ARID5B: variants seen among roughly 807,000 people sequenced by gnomAD.
The protein encoded by ARID5B is AT-rich interaction domain 5B, also known as AT-rich interactive domain-containing protein 5B.
Under a neutral mutation model 97.2 loss-of-function variants are expected in ARID5B, and 13 were observed. That is an observed-to-expected ratio of 0.13 (90% CI 0.09 to 0.21). The LOEUF (loss-of-function observed/expected upper bound fraction) is 0.21. Among genes scored for constraint, ARID5B ranks in the 10% least tolerant of loss-of-function variants. The probability of loss-of-function intolerance (pLI) is 1.00; values close to 1 mark genes in which losing one functional copy is unlikely to be tolerated. For missense variants in ARID5B, 1,210 were observed against 1,465.3 expected (o/e 0.83, Z 2.84); for synonymous variants, 556 against 570.3 (o/e 0.97, Z 0.36).
rs553930983 is a variant in ARID5B, at chr10:61,959,505, GA to G, written c.502+19100del. Reference sequence around the variant, plus strand: ...GTCAAGTGCCTAAATGTTCTGCTGGGAAATAACCTGAGTAATAGGATCTTAA... The same window carrying G: ...GTCAAGTGCCTAAATGTTCTGCTGGGAATAACCTGAGTAATAGGATCTTAA... On this transcript the variant is annotated intron_variant, in intron 3 of 9. Coordinates refer to ENST00000279873, the MANE Select transcript of ARID5B (RefSeq NM_032199.3). Among the ~76,000 whole-genome samples, 33 of 152,258 alleles carry G rather than the reference GA, an allele frequency of 2.2e-4. No homozygotes were observed. In the South Asian group the frequency reaches 6.8e-3, roughly 32 times the overall value.
intron 2 of ARID5B, among the ~76,000 whole-genome samples, chr10:61,916,595 G>C (rs1050518198): frequency 6.6e-6 from 1 of 152,178 alleles, no homozygotes; most frequent in Non-Finnish European, 1.5e-5. Flanking sequence ...TGAAAGGTTA[G>C]GTAACTTGTC....
chr10:61,954,864 G>T (rs1234106154), intron 3 of ARID5B, among the ~76,000 whole-genome samples: 4 of 152,036 alleles, frequency 2.6e-5, no homozygotes, highest in Non-Finnish European at 4.4e-5. Flanking sequence ...AAATTAGCTT[G>T]GCATGGTGGT....
chr10:61,951,400 C>T (rs1838322877), intron 3 of ARID5B, among the ~76,000 whole-genome samples: 4 of 152,196 alleles, frequency 2.6e-5, no homozygotes, highest in Admixed American at 2.0e-4. Context: ...GAACTCTCTT[C>T]CGTTGGGCAG....
intron 3 of ARID5B, among the ~76,000 whole-genome samples, chr10:61,958,751 T>G (rs755344993): frequency 6.6e-6 from 1 of 152,242 alleles, no homozygotes; most frequent in African/African-American, 2.4e-5. Context: ...CTGTGCTTGA[T>G]GTTAAATACT....
At chr10:61,933,981 C>T (rs1392397329) in intron 2 of ARID5B, among the ~76,000 whole-genome samples, 1 of 152,220 alleles carries the variant, frequency 6.6e-6, no homozygotes, top group Non-Finnish European at 1.5e-5. Context: ...GTTTCATCTT[C>T]TATTGAAAAT....
At chr10:61,917,168 A>C (rs1219070875) in intron 2 of ARID5B, among the ~76,000 whole-genome samples, 1 of 151,724 alleles carries the variant, frequency 6.6e-6, no homozygotes, top group Non-Finnish European at 1.5e-5. Context: ...TCTAGTAAAA[A>C]AAAAAAAAAA....
rs1484104454 is a variant in ARID5B, at chr10:62,000,404, G to T, written c.733+83G>T. 1.7e-5 allele frequency: 22 copies of T among 1,289,286 alleles called. No individual in the cohort carries two copies. Among genetic ancestry groups the T allele is most frequent in the Non-Finnish European group, 2.2e-5 (21 of 939,378 alleles). 79.9% of individuals were successfully genotyped at this position (1,289,286 alleles called of 1,614,324 possible). On this transcript the variant is annotated intron_variant, in intron 4 of 9. Coordinates refer to ENST00000279873, the MANE Select transcript of ARID5B (RefSeq NM_032199.3). The surrounding 1 kb of genome is among the most constrained non-coding windows in gnomAD (Gnocchi z 4.4). ...CAGTTCTTCTGAAGAGCGGTGATGG[G>T]GAACGGGGCTCACTTTCACAAGCCC...
chr10:61,959,141 T>C (rs989183531), intron 3 of ARID5B, among the ~76,000 whole-genome samples: 7 of 152,234 alleles, frequency 4.6e-5, no homozygotes, highest in Admixed American at 3.9e-4. Flanking sequence ...CAATTTTAGA[T>C]TGCAAATGAT....
chr10:62,091,260 C>T lies in ARID5B; in HGVS notation c.1797C>T (p.Pro599=). 8 of 1,614,168 alleles carry T rather than the reference C, an allele frequency of 5.0e-6. No individual in the cohort carries two copies. Among genetic ancestry groups the T allele is most frequent in the Non-Finnish European group, 6.8e-6 (8 of 1,180,020 alleles). Residue 599 remains proline, a synonymous_variant, in exon 10 of 10, where the codon CCC becomes CCT. Coordinates refer to ENST00000279873, the MANE Select transcript of ARID5B (RefSeq NM_032199.3). The stretch of plus-strand genomic sequence containing the variant: ...AAGAAGCATCCTTCCCCAGCTTCCC[C>T]ACCACACAGCCACCGCTGGCAAACC... ...EPQEASFPSF[P]TTQPPLANQN... is the part of the protein sequence containing the mutation.
intron 2 of ARID5B, among the ~76,000 whole-genome samples, chr10:61,910,635 G>A (rs1046264594): frequency 3.9e-5 from 6 of 152,134 alleles, no homozygotes; most frequent in Admixed American, 3.9e-4. Flanking sequence ...TCATGCCCTG[G>A]ACTATGAGCA....
intron 8 of ARID5B, among the ~76,000 whole-genome samples, chr10:62,072,878 G>C (rs1477279239): frequency 6.6e-6 from 1 of 152,222 alleles, no homozygotes; most frequent in Non-Finnish European, 1.5e-5. Context: ...TTCTACCAAA[G>C]AAGGGCAGAG....
intron 3 of ARID5B, among the ~76,000 whole-genome samples, chr10:61,995,078 A>G (rs1382279711): frequency 1.3e-5 from 2 of 152,206 alleles, no homozygotes; most frequent in African/African-American, 4.8e-5. Context: ...CAAGTAACGT[A>G]TATGTAACCC....
chr10:62,046,874 C>T (rs1429821857), intron 4 of ARID5B: 3 of 152,152 alleles, frequency 2.0e-5, no homozygotes, highest in Non-Finnish European at 4.4e-5. Context: ...ACAGTGTTTC[C>T]TGTCTGGGGT....
intron 3 of ARID5B, among the ~76,000 whole-genome samples, chr10:61,966,993 T>A (rs960399469): frequency 6.6e-6 from 1 of 152,190 alleles, no homozygotes; most frequent in Non-Finnish European, 1.5e-5. Flanking sequence ...TTGGCTCGTA[T>A]AGAAATAATG....
intron 4 of ARID5B, chr10:62,049,385 C>G: frequency 1.3e-6 from 2 of 1,548,934 alleles, no homozygotes; most frequent in Middle Eastern, 1.7e-4. Flanking sequence ...ACATCCACAC[C>G]AAGTCGAGAC....
In ARID5B at chr10:62,061,016, C is replaced by CCAA. The variant is rs1174684640; in HGVS notation, c.1101+1722_1101+1723insAAC. Among the ~76,000 whole-genome samples, 144 of 152,290 alleles carry CCAA rather than the reference C, an allele frequency of 9.5e-4. 2 individuals are homozygous for CCAA. The highest frequency in any genetic ancestry group is 3.3e-3 in the African/African-American group (136 of 41,560). ...TACTCTTTGAACAAATAGTATTTATCCTTTTGTTGGATGAATGAATGACCA... is the reference window on the plus strand; with the variant it reads ...TACTCTTTGAACAAATAGTATTTATCCAACTTTTGTTGGATGAATGAATGACCA... On this transcript the variant is annotated intron_variant, in intron 7 of 9. Transcript: ENST00000279873.
chr10:62,077,738 GATAA>G (rs1489962123), intron 8 of ARID5B, among the ~76,000 whole-genome samples: 2 of 152,074 alleles, frequency 1.3e-5, no homozygotes, highest in Non-Finnish European at 2.9e-5. Flanking sequence ...TTTTCTTTTT[GATAA>G]ATAACAAAAG....
intron 2 of ARID5B, among the ~76,000 whole-genome samples, chr10:61,916,062 G>T (rs902993417): frequency 5.3e-5 from 8 of 151,802 alleles, no homozygotes; most frequent in African/African-American, 1.7e-4. Context: ...AGCCTTGTTT[G>T]TTTGTTTTTG....
chr10:62,022,238 G>A (rs896415479), intron 4 of ARID5B, among the ~76,000 whole-genome samples: 2 of 152,178 alleles, frequency 1.3e-5, no homozygotes, highest in Non-Finnish European at 2.9e-5. Context: ...GATGGTGTGC[G>A]GATTTCCAGT....
Sources: gnomAD v4.1 joint callset for allele counts (sites outside exome capture counted in the v4.1 genomes callset) on GRCh38, gnomAD v4.1.1 for gene constraint, Gnocchi (gnomAD v3.1) non-coding constraint, MANE v1.5 for transcripts, NCBI Gene and HGNC (gene_info 2026-07-23, HGNC 2026-07-21) for gene names.